The following PYGB variants were observed in gnomAD, a reference collection of about 807,000 sequenced individuals.
PYGB encodes glycogen phosphorylase, brain form.
In PYGB, 82 loss-of-function variants were observed where a neutral mutation model predicts 94.3. That is an observed-to-expected ratio of 0.87 (90% CI 0.73 to 1.04). The LOEUF is 1.04. PYGB is among the 50% of genes least tolerant of loss of function. PYGB has a pLI of 0.00. For missense variants in PYGB, 1,132 were observed against 1,158.2 expected (o/e 0.98, Z 0.33); for synonymous variants, 488 against 479.1 (o/e 1.02, Z -0.24).
intron 1 of PYGB, 32 bp downstream of exon 1, chr20:25,248,453 C>A: frequency 7.4e-7 from 1 of 1,343,054 alleles, no homozygotes; most frequent in Non-Finnish European, 9.6e-7. Flanking sequence ...TGCGCCCGTG[C>A]CCGCTGAGAG....
At chr20:25,248,470 G>A (rs1397209683) in intron 1 of PYGB, 49 bp downstream of exon 1, 2 of 1,311,464 alleles carry the variant, frequency 1.5e-6, no homozygotes, top group South Asian at 2.1e-5. Flanking sequence ...AGAGGGCGCC[G>A]GTCCCGGAGC....
At position 25,248,420 on chromosome 20, in the gene PYGB, A is replaced by C; in HGVS notation, c.242A>C (p.Lys81Thr). The change falls in exon 1 of 20, where the codon AAG becomes ACG. Residue 81 changes from lysine (K) to threonine (T), a missense_variant and splice_region_variant. Coordinates refer to ENST00000216962, the MANE Select transcript of PYGB (RefSeq NM_002862.4). ...TQQHYYERDP[K>T]RIYYLSLEFY... is the part of the protein sequence containing the mutation. ...CAGCACTACTACGAGCGCGACCCCA[A>C]GGTGAGGCGCTGCCCCGCCCTGTGC... The C allele has an allele frequency of 6.6e-7, 1 of 1,516,164 alleles. No individual in the cohort carries two copies. The highest frequency in any genetic ancestry group is 8.9e-7 in the Non-Finnish European group (1 of 1,128,754). 93.9% of individuals were successfully genotyped at this position (1,516,164 alleles called of 1,614,324 possible).
chr20:25,262,056 C>T (rs1010545264), intron 2 of PYGB, among the ~76,000 whole-genome samples: 15 of 152,192 alleles, frequency 9.9e-5, no homozygotes, highest in Admixed American at 9.8e-4. Context: ...AAACACTCTT[C>T]AGGATATTAT....
intron 1 of PYGB, among the ~76,000 whole-genome samples, chr20:25,257,623 G>T (rs1364486087): frequency 1.3e-5 from 2 of 152,132 alleles, no homozygotes; most frequent in African/African-American, 4.8e-5. Context: ...GAGGCCAGGA[G>T]TTTGCAGCCA....
At position 25,296,614 on chromosome 20, in the gene PYGB, G is replaced by GAAAA; in HGVS notation, c.*92_*93insAAAA. 6.8e-7 allele frequency: 1 copy of GAAAA among 1,466,470 alleles called. No homozygotes were observed. Among genetic ancestry groups the GAAAA allele is most frequent in the Non-Finnish European group, 9.2e-7 (1 of 1,091,890 alleles). The allele number at this position is 1,466,470 out of a possible 1,614,324, so 90.8% of individuals were successfully genotyped here. ...CCCAAACACTTTGCCAGCCACTGGT[G>GAAAA]GTCCCTGCTTTTCTGAGTACCATGT... On this transcript the variant is annotated 3_prime_UTR_variant, in exon 20 of 20. Transcript: ENST00000216962.
At chr20:25,257,969 G>A (rs1172355663) in intron 1 of PYGB, among the ~76,000 whole-genome samples, 1 of 152,216 alleles carries the variant, frequency 6.6e-6, no homozygotes, top group East Asian at 1.9e-4. Flanking sequence ...AGGCCTGACT[G>A]TGAGTGACAG....
At chr20:25,294,563 G>C (rs530388115) in intron 18 of PYGB, among the ~76,000 whole-genome samples, 1 of 152,350 alleles carries the variant, frequency 6.6e-6, no homozygotes, top group East Asian at 1.9e-4. Context: ...CTGAGCAGGA[G>C]GGGGTGTCCT....
In PYGB at chr20:25,296,447, G is replaced by A. The variant is rs201313860; in HGVS notation, c.2457G>A (p.Thr819=). Reference sequence around the variant, plus strand: ...AGTTCTCCAGTGACCGGACCATCACGGAGTATGCACGGGAGATCTGGGGTG... The same window carrying A: ...AGTTCTCCAGTGACCGGACCATCACAGAGTATGCACGGGAGATCTGGGGTG... ...SGKFSSDRTI[T]EYAREIWGVE... is the part of the protein sequence containing the mutation. Residue 819 remains threonine, a synonymous_variant, in exon 20 of 20, where the codon ACG becomes ACA. Coordinates refer to ENST00000216962, the MANE Select transcript of PYGB (RefSeq NM_002862.4). 39 of 1,614,016 alleles carry A rather than the reference G, an allele frequency of 2.4e-5. No individual in the cohort carries two copies. Among genetic ancestry groups the A allele is most frequent in the South Asian group, 9.9e-5 (9 of 91,082 alleles).
Position 25,248,379 on chromosome 20 carries a change from C to G in PYGB, c.201C>G (p.Arg67=). 6.3e-7 allele frequency: 1 copy of G among 1,592,542 alleles called. No individual in the cohort carries two copies. Among genetic ancestry groups the G allele is most frequent in the Non-Finnish European group, 8.5e-7 (1 of 1,170,936 alleles). The change falls in exon 1 of 20, where the codon CGC becomes CGG. Residue 67 remains arginine (R), a synonymous_variant. Coordinates refer to ENST00000216962, the MANE Select transcript of PYGB (RefSeq NM_002862.4). ...CGGTGCGCGACCACCTCGTGGGCCG[C>G]TGGATCCGCACGCAGCAGCACTACT... is the stretch of plus-strand genomic sequence containing the variant. ...AHTVRDHLVG[R]WIRTQQHYYE... is the part of the protein sequence containing the mutation.
chr20:25,272,232 G>T (rs1259966744), intron 4 of PYGB, among the ~76,000 whole-genome samples: 1 of 152,194 alleles, frequency 6.6e-6, no homozygotes, highest in Non-Finnish European at 1.5e-5. Flanking sequence ...AGCTGGTCTG[G>T]GATTAGAATC....
chr20:25,280,774 T>C (rs1424074656), intron 10 of PYGB, among the ~76,000 whole-genome samples, 175 bp from the exon 11 acceptor site: 1 of 151,970 alleles, frequency 6.6e-6, no homozygotes, highest in African/African-American at 2.4e-5. Flanking sequence ...GCCTTGGAGG[T>C]GCCTGCTGGG....
chr20:25,290,454 C>T (rs1568698474), intron 15 of PYGB, 27 bp from the exon 16 acceptor site: 1 of 1,594,080 alleles, frequency 6.3e-7, no homozygotes, highest in South Asian at 1.1e-5. Flanking sequence ...CATTTTTGTG[C>T]TAAAAACCTT....
At position 25,281,013 on chromosome 20, in the gene PYGB, G is replaced by A. The variant is rs1171823006; in HGVS notation, c.1304G>A (p.Gly435Glu). 1 of 1,614,208 alleles carries A rather than the reference G, an allele frequency of 6.2e-7. No homozygotes were observed. The highest frequency in any genetic ancestry group is 1.7e-5 in the Admixed American group (1 of 60,028). The change falls in exon 11 of 20, where the codon GGG (glycine) becomes GAG (glutamate). Residue 435 changes from glycine to glutamate, a missense_variant. Coordinates refer to ENST00000216962, the MANE Select transcript of PYGB (RefSeq NM_002862.4). ...RLRRMSVIEEGDCKRINMAHL... is the reference protein window; with the variant it reads ...RLRRMSVIEEEDCKRINMAHL... ...CGCAGGATGTCTGTGATCGAGGAGG[G>A]GGACTGCAAGCGGATCAACATGGCC...
intron 19 of PYGB, 150 bp from the exon 20 acceptor site, chr20:25,296,220 G>C (rs898502868): frequency 2.0e-6 from 2 of 976,398 alleles, no homozygotes; most frequent in Non-Finnish European, 3.1e-6. Flanking sequence ...CCTTTTCAAC[G>C]AACAAGTGAT....
At chr20:25,294,887 C>T in intron 18 of PYGB, 1 of 1,471,204 alleles carries the variant, frequency 6.8e-7, no homozygotes, top group African/African-American at 1.4e-5. Context: ...GCTGGGAATT[C>T]ACCTGCCCTC....
At chr20:25,292,793 G>A (rs1294364171) in intron 17 of PYGB, among the ~76,000 whole-genome samples, 180 bp downstream of exon 17, 4 of 152,192 alleles carry the variant, frequency 2.6e-5, no homozygotes, top group Non-Finnish European at 5.9e-5. Flanking sequence ...TGGAATGGAC[G>A]GGGTCCGGGC....
intron 1 of PYGB, chr20:25,251,436 G>C (rs1815544082): frequency 6.6e-6 from 1 of 152,236 alleles, no homozygotes; most frequent in Non-Finnish European, 1.5e-5. Flanking sequence ...TTGCCATTCT[G>C]AAATGTTAGA....
intron 6 of PYGB, 119 bp from the exon 7 acceptor site, chr20:25,277,125 G>A (rs1209094833): frequency 8.0e-6 from 6 of 750,298 alleles, no homozygotes; most frequent in East Asian, 2.6e-5. Flanking sequence ...GTAATGCAGC[G>A]GCTGGGGGAG....
Position 25,248,351 on chromosome 20 carries a change from A to G in PYGB, c.173A>G (p.His58Arg). Residue 58 changes from histidine (H) to arginine (R), a missense_variant, in exon 1 of 20, where the codon CAC becomes CGC. Transcript: ENST00000216962. ...CGCGACTACTTCTTCGCGCTGGCGC[A>G]CACGGTGCGCGACCACCTCGTGGGC... ...TPRDYFFALA[H>R]TVRDHLVGRW... 1 of 1,601,714 alleles carries G rather than the reference A, an allele frequency of 6.2e-7. No individual in the cohort carries two copies. Among genetic ancestry groups the G allele is most frequent in the Non-Finnish European group, 8.5e-7 (1 of 1,175,082 alleles).
Sources: allele counts gnomAD v4.1 joint callset (sites outside exome capture counted in the v4.1 genomes callset), GRCh38; gene constraint gnomAD v4.1.1; transcripts MANE v1.5; gene names NCBI Gene and HGNC (gene_info 2026-07-23, HGNC 2026-07-21).